The following PCGF3 variants were observed in gnomAD, a reference collection of about 807,000 sequenced individuals.
The protein encoded by PCGF3 is polycomb group ring finger 3, also known as polycomb group RING finger protein 3.
Under a neutral mutation model 33.1 loss-of-function variants are expected in PCGF3, and 7 were observed. That is an observed-to-expected ratio of 0.21 (90% CI 0.12 to 0.40). The LOEUF (loss-of-function observed/expected upper bound fraction) is 0.40, where lower values mean the gene tolerates loss of function less well. Among genes scored for constraint, PCGF3 ranks in the 10% least tolerant of loss-of-function variants. PCGF3 has a pLI of 1.00. For missense variants in PCGF3, 211 were observed against 313.3 expected (o/e 0.67, Z 2.46); for synonymous variants, 153 against 121.3 (o/e 1.26, Z -1.72).
chr4:761,558 A>C, intron 9 of PCGF3, 142 bp downstream of exon 9: 1 of 1,379,186 alleles, frequency 7.3e-7, no homozygotes, highest in Non-Finnish European at 9.7e-7. Flanking sequence ...TGCCTGCTTC[A>C]CCGGGGAGCG....
At chr4:742,570 C>T (rs1744141558) in intron 6 of PCGF3, among the ~76,000 whole-genome samples, 2 of 152,234 alleles carry the variant, frequency 1.3e-5, no homozygotes, top group African/African-American at 4.8e-5. Context: ...CCACTGTGTC[C>T]CCTGGGTGTG....
chr4:743,312 T>G (rs1744174219), intron 6 of PCGF3, among the ~76,000 whole-genome samples, 162 bp from the exon 7 acceptor site: 1 of 152,240 alleles, frequency 6.6e-6, no homozygotes, highest in Non-Finnish European at 1.5e-5. Context: ...CCCGCTGTGC[T>G]GAGCCCCCAA....
intron 1 of PCGF3, among the ~76,000 whole-genome samples, chr4:709,831 G>C (rs143287667): frequency 1.3e-5 from 2 of 152,218 alleles, no homozygotes; most frequent in Non-Finnish European, 2.9e-5. Flanking sequence ...GTGTCCCTGC[G>C]TGGTCAGCCT....
At chr4:748,432 C>T (rs112324285) in intron 8 of PCGF3, among the ~76,000 whole-genome samples, 426 of 152,200 alleles carry the variant, frequency 2.8e-3, no homozygotes, top group African/African-American at 9.8e-3. Flanking sequence ...ACTTCTGGCC[C>T]GCCTCAGCCT....
chr4:739,185 G>A (rs779081164), intron 6 of PCGF3, among the ~76,000 whole-genome samples: 17 of 152,070 alleles, frequency 1.1e-4, no homozygotes, highest in Non-Finnish European at 2.2e-4. Context: ...TCATAAATGC[G>A]GTGCTTTTTG....
At chr4:764,842 G>A (rs1298260685) in intron 9 of PCGF3, 142 bp from the exon 10 acceptor site, 5 of 621,114 alleles carry the variant, frequency 8.1e-6, no homozygotes, top group African/African-American at 7.4e-5. Context: ...AGGAATACAT[G>A]AACCAGCCCC....
chr4:744,370 T>G (rs1744222518), intron 7 of PCGF3, among the ~76,000 whole-genome samples: 1 of 152,186 alleles, frequency 6.6e-6, no homozygotes, highest in Non-Finnish European at 1.5e-5. Context: ...CGTCTCTGTC[T>G]CCTGTGCTCC....
intron 6 of PCGF3, among the ~76,000 whole-genome samples, chr4:738,281 C>G (rs540504930): frequency 2.0e-5 from 3 of 152,364 alleles, no homozygotes; most frequent in African/African-American, 7.2e-5. Context: ...GCCTTTAATG[C>G]GTGACCCAGA....
intron 1 of PCGF3, among the ~76,000 whole-genome samples, chr4:716,110 C>CTG (rs563809300): frequency 0.085 from 8,046 of 94,542 alleles, 541 homozygotes; most frequent in Non-Finnish European, 0.12. Context: ...CCTGTAGACA[C>CTG]TGAGGGTGAG....
At chr4:729,390 G>A (rs894979620) in intron 1 of PCGF3, among the ~76,000 whole-genome samples, 1 of 151,678 alleles carries the variant, frequency 6.6e-6, no homozygotes, top group East Asian at 1.9e-4. Flanking sequence ...ACTGCAGCCT[G>A]GGTGGCAGAG....
intron 7 of PCGF3, among the ~76,000 whole-genome samples, chr4:744,350 C>G (rs1744221282): frequency 6.6e-6 from 1 of 152,242 alleles, no homozygotes; most frequent in South Asian, 2.1e-4. Flanking sequence ...CACGCCGGCT[C>G]CGGCTGCCCC....
At chr4:760,829 G>A (rs1049307196) in intron 8 of PCGF3, among the ~76,000 whole-genome samples, 1 of 152,256 alleles carries the variant, frequency 6.6e-6, no homozygotes, top group Admixed American at 6.5e-5. Context: ...TCACCTGGAA[G>A]GCAGCTGTGA....
intron 1 of PCGF3, among the ~76,000 whole-genome samples, chr4:722,605 C>T (rs1186363626): frequency 3.7e-5 from 5 of 135,128 alleles, no homozygotes; most frequent in African/African-American, 5.6e-5. Flanking sequence ...ATCGCCCGTC[C>T]GCGCCGGGTC....
intron 8 of PCGF3, among the ~76,000 whole-genome samples, chr4:754,554 G>C (rs950051520): frequency 4.6e-5 from 7 of 152,246 alleles, no homozygotes; most frequent in South Asian, 2.1e-4. Flanking sequence ...GCAGGAGGTA[G>C]TGAGCTGGGA....
intron 1 of PCGF3, chr4:722,357 C>T (rs1005842187): frequency 1.5e-5 from 3 of 195,328 alleles, no homozygotes; most frequent in South Asian, 1.6e-4. Flanking sequence ...CTCCCAGCAT[C>T]CCGCAGCTAA....
At chr4:711,685 C>CTGACCTCA (rs1742577324) in intron 1 of PCGF3, among the ~76,000 whole-genome samples, 2 of 151,298 alleles carry the variant, frequency 1.3e-5, no homozygotes, top group Admixed American at 1.3e-4. Flanking sequence ...TCTCGATCTC[C>CTGACCTCA]TGACCTCATG....
rs1458797036 is a variant in PCGF3, at chr4:766,151, A to AT, written c.*74dup. Reference sequence around the variant, plus strand: ...GCTCCCGGCCGCCGCGCTTAAGAACATTGCCTCTGGGTGTCATGTGGACCA... The same window carrying AT: ...GCTCCCGGCCGCCGCGCTTAAGAACATTTGCCTCTGGGTGTCATGTGGACCA... On this transcript the variant is annotated 3_prime_UTR_variant, in exon 11 of 11. Transcript: ENST00000362003. 27 of 1,280,544 alleles carry AT rather than the reference A, an allele frequency of 2.1e-5. No homozygotes were observed. The Middle Eastern group carries it at 9.3e-4, about 44-fold the overall frequency. The allele number at this position is 1,280,544 out of a possible 1,614,324, so 79.3% of individuals were successfully genotyped here. A position where few individuals can be genotyped will look rare whatever the true frequency, so the allele number is the denominator to read the frequency against.
At chr4:707,682 T>A (rs28668630) in intron 1 of PCGF3, among the ~76,000 whole-genome samples, 7 of 52,052 alleles carry the variant, frequency 1.3e-4, no homozygotes, top group Non-Finnish European at 2.1e-4. Context: ...CTGGGACAGC[T>A]CTGTTTTCCC....
At chr4:730,376 C>G (rs1241127858) in intron 1 of PCGF3, among the ~76,000 whole-genome samples, 2 of 152,192 alleles carry the variant, frequency 1.3e-5, no homozygotes, top group Non-Finnish European at 2.9e-5. Flanking sequence ...AGCTGCCCCC[C>G]CACCCCCGTG....
Sources: gnomAD v4.1 joint callset for allele counts (sites outside exome capture counted in the v4.1 genomes callset) on GRCh38, gnomAD v4.1.1 for gene constraint, MANE v1.5 for transcripts, NCBI Gene and HGNC (gene_info 2026-07-23, HGNC 2026-07-21) for gene names.